GNG7: variants seen among roughly 807,000 people sequenced by gnomAD.
GNG7 encodes the protein guanine nucleotide-binding protein G(I)/G(S)/G(O) subunit gamma-7.
Under a neutral mutation model 4.0 loss-of-function variants are expected in GNG7, and 1 was observed. The ratio of observed to expected loss-of-function variants is 0.25; its 90% CI spans 0.09 to 1.18. The LOEUF is 1.18. Among genes scored for constraint, GNG7 ranks in the 50% most tolerant of loss-of-function variants. The probability of loss-of-function intolerance (pLI) is 0.50; values close to 1 mark genes in which losing one functional copy is unlikely to be tolerated. For synonymous variants in GNG7, 34 were observed against 36.9 expected (o/e 0.92, Z 0.29); for missense variants, 86 against 91.9 (o/e 0.94, Z 0.26).
intron 1 of GNG7, among the ~76,000 whole-genome samples, chr19:2,690,454 G>A (rs1913112256): frequency 6.6e-6 from 1 of 152,224 alleles, no homozygotes; most frequent in Non-Finnish European, 1.5e-5. Flanking sequence ...AAACCAGGCT[G>A]TGGGCCAGAG....
chr19:2,610,975 AG>A (rs1195008717), intron 2 of GNG7: 6 of 4,384 alleles, frequency 1.4e-3, no homozygotes. Context: ...GGCGGGTGGG[AG>A]GGGGGGAACG....
intron 1 of GNG7, among the ~76,000 whole-genome samples, chr19:2,659,975 T>A (rs1435846080): frequency 6.6e-6 from 1 of 151,928 alleles, no homozygotes; most frequent in East Asian, 1.9e-4. Context: ...TGTAATACCA[T>A]GAGGATCAAA....
intron 3 of GNG7, among the ~76,000 whole-genome samples, chr19:2,525,971 ATT>A (rs35639922): frequency 1.3e-5 from 1 of 75,670 alleles, no homozygotes; most frequent in African/African-American, 6.0e-5. Flanking sequence ...CTCCACGCCA[ATT>A]TTTTTTTTTT....
intron 2 of GNG7, among the ~76,000 whole-genome samples, chr19:2,586,522 G>A (rs1599406719): frequency 6.6e-6 from 1 of 152,210 alleles, no homozygotes; most frequent in African/African-American, 2.4e-5. Context: ...AGGCTGAAAG[G>A]GAAGGATGGG....
rs372438856 is a variant in GNG7, at chr19:2,645,916, C to T, written c.-78+308G>A. On this transcript the variant is annotated intron_variant, in intron 2 of 4. Coordinates refer to ENST00000382159, the MANE Select transcript of GNG7 (RefSeq NM_052847.3). ...CTCCTTAAAACTCCCTACCATGGCA[C>T]GAAGACACCGGAAAGGCATGCAGCA... Among the ~76,000 whole-genome samples, 31 of 152,234 alleles carry T rather than the reference C, an allele frequency of 2.0e-4. No homozygotes were observed. In the East Asian group the frequency reaches 2.3e-3, roughly 11 times the overall value.
intron 1 of GNG7, among the ~76,000 whole-genome samples, chr19:2,689,352 G>C (rs997137589): frequency 6.6e-6 from 1 of 151,826 alleles, no homozygotes; most frequent in Non-Finnish European, 1.5e-5. Flanking sequence ...CCACATTTGG[G>C]CCGGGCTCGG....
intron 1 of GNG7, among the ~76,000 whole-genome samples, chr19:2,665,671 G>A (rs1358799732): frequency 1.3e-5 from 2 of 152,094 alleles, no homozygotes; most frequent in African/African-American, 4.8e-5. Flanking sequence ...TCAGTCCCTT[G>A]CCACTGTCGC....
At chr19:2,556,062 T>C (rs1979533632) in intron 2 of GNG7, among the ~76,000 whole-genome samples, 2 of 152,216 alleles carry the variant, frequency 1.3e-5, no homozygotes, top group Non-Finnish European at 2.9e-5. Flanking sequence ...AGCCTCCTAT[T>C]TCGTGGACAA....
chr19:2,575,089 C>T (rs1474354064), intron 2 of GNG7, among the ~76,000 whole-genome samples: 2 of 138,828 alleles, frequency 1.4e-5, no homozygotes, highest in African/African-American at 2.7e-5. Flanking sequence ...TTCTTTCTTT[C>T]TTTTTTTTTT....
In GNG7 at chr19:2,513,269, G is replaced by A. The variant is rs987016685; in HGVS notation, c.*1753C>T. 2.9e-5 allele frequency: 12 copies of A among 418,948 alleles called. No homozygotes were observed. Among genetic ancestry groups the A allele is most frequent in the African/African-American group, 2.2e-4 (10 of 46,342 alleles). The allele number at this position is 418,948 out of a possible 1,614,324, so 26.0% of individuals were successfully genotyped here. A position where few individuals can be genotyped will look rare whatever the true frequency, so the allele number is the denominator to read the frequency against. Reference sequence around the variant, plus strand: ...TGGGCGGCCGTCCAGGAACCCTCTCGGCACGGGTTCTTAGACGCCTGTCTC... The same window carrying A: ...TGGGCGGCCGTCCAGGAACCCTCTCAGCACGGGTTCTTAGACGCCTGTCTC... On this transcript the variant is annotated 3_prime_UTR_variant, in exon 5 of 5. Coordinates refer to ENST00000382159, the MANE Select transcript of GNG7 (RefSeq NM_052847.3).
chr19:2,564,034 A>G (rs1323605186), intron 2 of GNG7, among the ~76,000 whole-genome samples: 1 of 152,078 alleles, frequency 6.6e-6, no homozygotes, highest in Non-Finnish European at 1.5e-5. Context: ...GCCAATGAGA[A>G]TGGTGTTCGT....
chr19:2,625,155 G>A (rs1981985417), intron 2 of GNG7, among the ~76,000 whole-genome samples: 1 of 152,138 alleles, frequency 6.6e-6, no homozygotes, highest in South Asian at 2.1e-4. Context: ...TGCAACCTCC[G>A]CCTCCCGGGT....
At chr19:2,580,106 G>A (rs934651264) in intron 2 of GNG7, among the ~76,000 whole-genome samples, 4 of 152,210 alleles carry the variant, frequency 2.6e-5, no homozygotes, top group African/African-American at 7.2e-5. Flanking sequence ...CCCAGGGCAG[G>A]GGAATGCAGG....
chr19:2,539,685 G>C (rs1978881503), intron 3 of GNG7, among the ~76,000 whole-genome samples: 1 of 152,092 alleles, frequency 6.6e-6, no homozygotes, highest in East Asian at 1.9e-4. Context: ...GCCCTGAATG[G>C]ACCTCTGTGC....
At chr19:2,587,331 G>A (rs534288768) in intron 2 of GNG7, among the ~76,000 whole-genome samples, 32 of 152,262 alleles carry the variant, frequency 2.1e-4, no homozygotes, top group African/African-American at 6.5e-4. Flanking sequence ...CGTACCCTGC[G>A]TTGCTTCCTC....
intron 3 of GNG7, among the ~76,000 whole-genome samples, chr19:2,530,238 C>A (rs1199711881): frequency 6.6e-6 from 1 of 151,324 alleles, no homozygotes. Context: ...CATGGTGAAA[C>A]CCCATCTCTG....
Position 2,546,965 on chromosome 19 carries a change from G to T in GNG7, c.-38+8184C>A, listed in dbSNP as rs904022016. Among the ~76,000 whole-genome samples the T allele has an allele frequency of 6.6e-6, 1 of 152,140 alleles. No homozygotes were observed. The highest frequency in any genetic ancestry group is 2.4e-5 in the African/African-American group (1 of 41,454). ...CGGGCCAGGGCAAGGGGCAGCGCCGGCCTCGTGACGGTGGTGCTCGGGAGC... is the reference window on the plus strand; with the variant it reads ...CGGGCCAGGGCAAGGGGCAGCGCCGTCCTCGTGACGGTGGTGCTCGGGAGC... On this transcript the variant is annotated intron_variant, in intron 3 of 4. Transcript: ENST00000382159. This position sits in a 1 kb window ranked among gnomAD's most constrained non-coding sequence, Gnocchi z 6.3.
At chr19:2,657,359 A>AAAAAAATATAT (rs1983016022) in intron 1 of GNG7, among the ~76,000 whole-genome samples, 1 of 13,478 alleles carries the variant, frequency 7.4e-5, no homozygotes, top group African/African-American at 2.0e-4. Context: ...AAAAAAAAAA[A>AAAAAAATATAT]AAATATATAT....
chr19:2,582,656 A>ATT (rs35625825), intron 2 of GNG7, among the ~76,000 whole-genome samples: 2,170 of 86,086 alleles, frequency 0.025, 205 homozygotes, highest in African/African-American at 0.041. Flanking sequence ...CTAATTGTTA[A>ATT]TTTTTTTTTT....
Sources: gnomAD v4.1 joint callset for allele counts (sites outside exome capture counted in the v4.1 genomes callset) on GRCh38, gnomAD v4.1.1 for gene constraint, Gnocchi (gnomAD v3.1) non-coding constraint, MANE v1.5 for transcripts, NCBI Gene and HGNC (gene_info 2026-07-23, HGNC 2026-07-21) for gene names.